CCDC127: variants seen among roughly 807,000 people sequenced by gnomAD.
CCDC127 encodes coiled-coil domain containing 127.
A neutral mutation model predicts 4.1 loss-of-function variants in CCDC127; 2 were observed. The observed-to-expected ratio is 0.49, with a 90% CI of 0.20 to 1.53. The LOEUF (loss-of-function observed/expected upper bound fraction) is 1.53, where lower values mean the gene tolerates loss of function less well. CCDC127 is among the 40% of genes most tolerant of loss of function. CCDC127 has a pLI of 0.23. For synonymous variants in CCDC127, 98 were observed against 120.4 expected (o/e 0.81, Z 1.22); for missense variants, 271 against 322.9 (o/e 0.84, Z 1.23).
chr5:199,928 C>T lies in CCDC127; in HGVS notation c.*5369G>A, dbSNP rs1268043754. ...CCTGCTCCTGGAGCAGGACTTGACT[C>T]CTCTACCTGGACCAGGCAGGTCATG... On this transcript the variant is annotated 3_prime_UTR_variant, in exon 3 of 3. Coordinates refer to ENST00000296824, the MANE Select transcript of CCDC127 (RefSeq NM_145265.3). The T allele has an allele frequency of 1.3e-5, 2 of 152,334 alleles. No individual in the cohort carries two copies. Among genetic ancestry groups the T allele is most frequent in the African/African-American group, 4.8e-5 (2 of 41,438 alleles). 9.4% of individuals were successfully genotyped at this position (152,334 alleles called of 1,614,324 possible). A position where few individuals can be genotyped will look rare whatever the true frequency, so the allele number is the denominator to read the frequency against.
intron 2 of CCDC127, among the ~76,000 whole-genome samples, chr5:213,667 C>T (rs1035795462): frequency 2.0e-5 from 3 of 152,268 alleles, no homozygotes; most frequent in African/African-American, 7.2e-5. Context: ...ACACACCCAT[C>T]AGGATGGGGC....
chr5:215,374 T>C (rs1263673999), intron 2 of CCDC127: 1 of 152,222 alleles, frequency 6.6e-6, no homozygotes, highest in African/African-American at 2.4e-5. Flanking sequence ...AAAGTTATCA[T>C]GAAAGGCTAT....
intron 2 of CCDC127, chr5:216,120 C>T (rs933564884): frequency 6.6e-6 from 1 of 151,030 alleles, no homozygotes; most frequent in East Asian, 1.9e-4. Context: ...GTGCCATCTC[C>T]ACTCACTGCA....
rs1187886248 is a variant in CCDC127, at chr5:205,308, G to A, written c.772C>T (p.Leu258=). 5.0e-6 allele frequency: 8 copies of A among 1,604,228 alleles called. No individual in the cohort carries two copies. The Admixed American group carries it at 1.2e-4, about 24-fold the overall frequency. Residue 258 remains leucine (L), a synonymous_variant, in exon 3 of 3, where the codon CTA becomes TTA. Transcript: ENST00000296824. ...ATTTCACTCTTGTCTTACTTTTCTA[G>A]TATGGCTTCCTCTACTCTCTTAAAC... ...KKFKRVEEAI[L]EK
In CCDC127 at chr5:205,552, CAG is replaced by C; in HGVS notation, c.526_527del (p.Leu176ValfsTer26). 2 of 1,614,190 alleles carry C rather than the reference CAG, an allele frequency of 1.2e-6. No homozygotes were observed. Among genetic ancestry groups the C allele is most frequent in the Non-Finnish European group, 1.7e-6 (2 of 1,179,986 alleles). On this transcript the variant is annotated frameshift_variant, in exon 3 of 3. Coordinates refer to ENST00000296824, the MANE Select transcript of CCDC127 (RefSeq NM_145265.3). LOFTEE classifies it low-confidence loss of function (END_TRUNC). ...CCAGCCGCTTGCTGCGAGGAAGAAA[CAG>C]ACTGCAGTAGATATTCTGTCTTTCT... is the stretch of plus-strand genomic sequence containing the variant. ...LTERQNIYCS[L>X]FLPRSKRLEI...
intron 2 of CCDC127, among the ~76,000 whole-genome samples, chr5:207,788 G>A (rs776271187): frequency 9.2e-5 from 14 of 152,272 alleles, no homozygotes; most frequent in Non-Finnish European, 1.8e-4. Context: ...TGGAGGGGTG[G>A]AGGTGGGGCT....
rs58477342 is a variant in CCDC127 at position 197,124 on chromosome 5, A to T, written c.*8173T>A. On this transcript the variant is annotated 3_prime_UTR_variant, in exon 3 of 3. Coordinates refer to ENST00000296824, the MANE Select transcript of CCDC127 (RefSeq NM_145265.3). The stretch of plus-strand genomic sequence containing the variant: ...GTAGGCCAGATTTATGTTTCTCTCC[A>T]CCCAAACATCTCAGCAGAGTAAAGA... 6.6e-6 allele frequency: 1 copy of T among 151,990 alleles called. No homozygotes were observed. The highest frequency in any genetic ancestry group is 1.5e-5 in the Non-Finnish European group (1 of 68,018). 9.4% of individuals were successfully genotyped at this position (151,990 alleles called of 1,614,324 possible).
intron 2 of CCDC127, chr5:214,330 C>G (rs1202088528): frequency 6.6e-6 from 1 of 152,168 alleles, no homozygotes; most frequent in Non-Finnish European, 1.5e-5. Context: ...TACACGGGCT[C>G]TCTGCATTAC....
intron 2 of CCDC127, among the ~76,000 whole-genome samples, chr5:207,353 A>G (rs2126506427): frequency 1.3e-5 from 2 of 152,308 alleles, no homozygotes; most frequent in East Asian, 3.9e-4. Flanking sequence ...ACGAGAGCTC[A>G]CAGGCAGGGG....
At chr5:217,955 G>T (rs1195891751) in intron 1 of CCDC127, 138 bp downstream of exon 1, 1 of 341,624 alleles carries the variant, frequency 2.9e-6, no homozygotes, top group Non-Finnish European at 4.4e-6. Context: ...CCACCTCCGC[G>T]GACGAGCGCC....
Position 205,825 on chromosome 5 carries a change from G to T in CCDC127, c.255C>A (p.Val85=). 6.2e-7 allele frequency: 1 copy of T among 1,614,150 alleles called. No homozygotes were observed. Among genetic ancestry groups the T allele is most frequent in the Non-Finnish European group, 8.5e-7 (1 of 1,180,044 alleles). The part of the protein sequence containing the change: ...HAMISENRRA[V]AQLSLELEKE... ...TTTCGAGTTCCAAGGACAACTGAGC[G>T]ACAGCACGCCGATTTTCTGAGATCA... Residue 85 remains valine, a synonymous_variant, in exon 3 of 3, where the codon GTC becomes GTA. Transcript: ENST00000296824.
chr5:201,534 C>A lies in CCDC127; in HGVS notation c.*3763G>T, dbSNP rs1307702164. The stretch of plus-strand genomic sequence containing the variant: ...TGAAATCAACACCTGCCAGTTCACA[C>A]ATACACACACATATGCACGCATATG... On this transcript the variant is annotated 3_prime_UTR_variant, in exon 3 of 3. Transcript: ENST00000296824. The A allele has an allele frequency of 6.6e-6, 1 of 152,206 alleles. No individual in the cohort carries two copies. The highest frequency in any genetic ancestry group is 1.5e-5 in the Non-Finnish European group (1 of 68,038). The allele number at this position is 152,206 out of a possible 1,614,324, so 9.4% of individuals were successfully genotyped here. A position where few individuals can be genotyped will look rare whatever the true frequency, so the allele number is the denominator to read the frequency against.
At chr5:214,477 G>A (rs1276377720) in intron 2 of CCDC127, 1 of 152,164 alleles carries the variant, frequency 6.6e-6, no homozygotes, top group African/African-American at 2.4e-5. Context: ...GGAAACAGGA[G>A]GTACAGGAAC....
chr5:201,941 C>G lies in CCDC127; in HGVS notation c.*3356G>C, dbSNP rs1268101054. On this transcript the variant is annotated 3_prime_UTR_variant, in exon 3 of 3. Coordinates refer to ENST00000296824, the MANE Select transcript of CCDC127 (RefSeq NM_145265.3). ...ATCTCCCAGAGCTCCACTCCTTACC[C>G]CAAAGGGTCCTCTCTGCCTTGCTGG... 3 of 152,246 alleles carry G rather than the reference C, an allele frequency of 2.0e-5. No individual in the cohort carries two copies. In the East Asian group the frequency reaches 5.8e-4, roughly 29 times the overall value. 9.4% of individuals were successfully genotyped at this position (152,246 alleles called of 1,614,324 possible). A position where few individuals can be genotyped will look rare whatever the true frequency, so the allele number is the denominator to read the frequency against.
chr5:203,788 C>A lies in CCDC127; in HGVS notation c.*1509G>T, dbSNP rs1336278557. The A allele has an allele frequency of 6.6e-6, 1 of 152,280 alleles. No homozygotes were observed. Among genetic ancestry groups the A allele is most frequent in the Non-Finnish European group, 1.5e-5 (1 of 68,092 alleles). 9.4% of individuals were successfully genotyped at this position (152,280 alleles called of 1,614,324 possible). ...GCTCAGACTGGCTCCAACACTACTACCTGCGTGACCTCAGGCAGGTTAGCT... is the reference window on the plus strand; with the variant it reads ...GCTCAGACTGGCTCCAACACTACTAACTGCGTGACCTCAGGCAGGTTAGCT... On this transcript the variant is annotated 3_prime_UTR_variant, in exon 3 of 3. Coordinates refer to ENST00000296824, the MANE Select transcript of CCDC127 (RefSeq NM_145265.3).
rs1180065387 is a variant in CCDC127, at chr5:205,173, G to A, written c.*124C>T. On this transcript the variant is annotated 3_prime_UTR_variant, in exon 3 of 3. Coordinates refer to ENST00000296824, the MANE Select transcript of CCDC127 (RefSeq NM_145265.3). ...TCAGACGGTGGCGGGAGTGGAGGTC[G>A]CTGCTGAAGGGTGACGGTGTGGCCA... 8 of 853,170 alleles carry A rather than the reference G, an allele frequency of 9.4e-6. No individual in the cohort carries two copies. The highest frequency in any genetic ancestry group is 1.3e-5 in the Non-Finnish European group (7 of 551,186). 52.8% of individuals were successfully genotyped at this position (853,170 alleles called of 1,614,324 possible).
At chr5:218,028 G>T in intron 1 of CCDC127, 65 bp downstream of exon 1, 1 of 983,166 alleles carries the variant, frequency 1.0e-6, no homozygotes, top group Non-Finnish European at 1.3e-6. Context: ...CGATCCCGGA[G>T]AACCACCCAC....
rs1733987480 is a variant in CCDC127, at chr5:197,533, A to G, written c.*7764T>C. On this transcript the variant is annotated 3_prime_UTR_variant, in exon 3 of 3. Coordinates refer to ENST00000296824, the MANE Select transcript of CCDC127 (RefSeq NM_145265.3). ...TAGAGAATAGCGATGACTTTTACCA[A>G]GCATACTGCTTGTAAACATTTTGTT... 6.6e-6 allele frequency: 1 copy of G among 152,244 alleles called. No individual in the cohort carries two copies. Among genetic ancestry groups the G allele is most frequent in the Admixed American group, 6.5e-5 (1 of 15,294 alleles). 9.4% of individuals were successfully genotyped at this position (152,244 alleles called of 1,614,324 possible).
Position 205,907 on chromosome 5 carries a change from G to A in CCDC127, c.173C>T (p.Ala58Val), listed in dbSNP as rs534428767. The change falls in exon 3 of 3, where the codon GCC becomes GTC. Residue 58 changes from alanine (A) to valine (V), a missense_variant. Transcript: ENST00000296824. ...SQKEVEKERE[A>V]YRRRTAAFQQ... ...AAAAGCAGCAGTTCTCCGACGGTAG[G>A]CTTCTCTCTCTTTTTCTACTTCTTT... 1 of 1,614,002 alleles carries A rather than the reference G, an allele frequency of 6.2e-7. No homozygotes were observed. Among genetic ancestry groups the A allele is most frequent in the Admixed American group, 1.7e-5 (1 of 59,998 alleles).
Sources: gnomAD v4.1 joint callset for allele counts (sites outside exome capture counted in the v4.1 genomes callset) on GRCh38, gnomAD v4.1.1 for gene constraint, MANE v1.5 for transcripts, NCBI Gene and HGNC (gene_info 2026-07-23, HGNC 2026-07-21) for gene names.